The following FSTL5 variants were observed in gnomAD, a reference collection of about 807,000 sequenced individuals.
FSTL5 encodes the protein follistatin-related protein 5.
In FSTL5, 62 loss-of-function variants were observed where a neutral mutation model predicts 89.1. The observed-to-expected ratio is 0.70, with a 90% CI of 0.57 to 0.86. FSTL5 has a LOEUF of 0.86. FSTL5 is among the 40% of genes least tolerant of loss of function. FSTL5 has a pLI of 0.00. For synonymous variants in FSTL5, 383 were observed against 346.2 expected, an observed-to-expected ratio of 1.11 and a Z score of -1.18; for missense variants, 1,057 against 1,001.6, an observed-to-expected ratio of 1.06 and a Z score of -0.75.
chr4:162,087,927 G>A lies in FSTL5; in HGVS notation c.126+23344C>T, dbSNP rs1730386886. 2.0e-5 allele frequency among the ~76,000 whole-genome samples: 3 copies of A among 152,194 alleles called. No individual in the cohort carries two copies. The South Asian group carries it at 6.2e-4, about 32-fold the overall frequency. On this transcript the variant is annotated intron_variant, in intron 2 of 15. Transcript: ENST00000306100. ...AAATTGCTTTGTCACAGTTGTTGTAGTCATTCTTGGATTATGGATTATGAT... is the reference window on the plus strand; with the variant it reads ...AAATTGCTTTGTCACAGTTGTTGTAATCATTCTTGGATTATGGATTATGAT...
intron 1 of FSTL5, among the ~76,000 whole-genome samples, chr4:162,119,563 A>G (rs1731776937): frequency 1.3e-5 from 2 of 152,226 alleles, no homozygotes; most frequent in Admixed American, 1.3e-4. Flanking sequence ...ATACCCATTT[A>G]TGGGGTACAT....
intron 3 of FSTL5, among the ~76,000 whole-genome samples, chr4:161,994,874 C>T (rs1414134445): frequency 6.6e-6 from 1 of 152,136 alleles, no homozygotes; most frequent in African/African-American, 2.4e-5. Context: ...TTTGCAGAAG[C>T]TCTTAAATTT....
At chr4:161,769,265 G>A (rs1311002544) in intron 5 of FSTL5, among the ~76,000 whole-genome samples, 1 of 151,812 alleles carries the variant, frequency 6.6e-6, no homozygotes, top group East Asian at 1.9e-4. Flanking sequence ...AACATTTAAA[G>A]AACTAATACT....
intron 15 of FSTL5, among the ~76,000 whole-genome samples, chr4:161,426,398 A>T (rs1732168504): frequency 6.6e-6 from 1 of 152,216 alleles, no homozygotes; most frequent in Non-Finnish European, 1.5e-5. Flanking sequence ...CAGCTAGGCA[A>T]TGGTACAGGA....
At chr4:161,843,049 C>A (rs1731260446) in intron 4 of FSTL5, among the ~76,000 whole-genome samples, 1 of 152,018 alleles carries the variant, frequency 6.6e-6, no homozygotes, top group Admixed American at 6.6e-5. Flanking sequence ...AAGACCTGTT[C>A]TTTATTGTTT....
At chr4:162,066,299 T>TTTCTTCTTCTTCTTCTTCTTC (rs1222795843) in intron 2 of FSTL5, among the ~76,000 whole-genome samples, 3 of 70,120 alleles carry the variant, frequency 4.3e-5, no homozygotes, top group Admixed American at 1.7e-4. Flanking sequence ...TCCTCCTACT[T>TTTCTTCTTCTTCTTCTTCTTC]TTCTTCTTCT....
chr4:161,441,708 T>G (rs1397461591), intron 15 of FSTL5, among the ~76,000 whole-genome samples: 1 of 152,100 alleles, frequency 6.6e-6, no homozygotes. Context: ...TAGAAGAATT[T>G]TATTACTCCC....
At chr4:161,543,498 A>G (rs1731903198) in intron 8 of FSTL5, among the ~76,000 whole-genome samples, 1 of 151,952 alleles carries the variant, frequency 6.6e-6, no homozygotes, top group Admixed American at 6.6e-5. Flanking sequence ...ATGTGAAATT[A>G]CAGGAGACCC....
chr4:162,035,721 A>G (rs78731956), intron 2 of FSTL5, among the ~76,000 whole-genome samples: 14,222 of 152,096 alleles, frequency 0.094, 786 homozygotes, highest in Non-Finnish European at 0.12. Context: ...GCTGTCTATT[A>G]AGAATAGGTT....
chr4:161,813,607 T>C (rs754725664), intron 4 of FSTL5, among the ~76,000 whole-genome samples: 3 of 152,204 alleles, frequency 2.0e-5, no homozygotes, highest in Non-Finnish European at 4.4e-5. Context: ...CTGTGGGCTG[T>C]GTACTGGTGT....
chr4:161,543,280 G>C lies in FSTL5; in HGVS notation c.1016-587C>G, dbSNP rs1354899103. Among the ~76,000 whole-genome samples, 3 of 151,902 alleles carry C rather than the reference G, an allele frequency of 2.0e-5. No homozygotes were observed. In the East Asian group the frequency reaches 5.8e-4, roughly 30 times the overall value. ...AACTTTGTTGAAAGAATTTAAAGAA[G>C]ACCTAAATAAATCCGAAGACACTTT... On this transcript the variant is annotated intron_variant, in intron 8 of 15. Coordinates refer to ENST00000306100, the MANE Select transcript of FSTL5 (RefSeq NM_020116.5).
intron 6 of FSTL5, among the ~76,000 whole-genome samples, chr4:161,720,345 AT>A (rs201897972): frequency 6.6e-6 from 1 of 151,982 alleles, no homozygotes; most frequent in African/African-American, 2.4e-5. Context: ...CGATAGCATT[AT>A]TTTTTTTAAA....
At chr4:161,903,523 T>C (rs958085586) in intron 4 of FSTL5, among the ~76,000 whole-genome samples, 1 of 151,944 alleles carries the variant, frequency 6.6e-6, no homozygotes, top group African/African-American at 2.4e-5. Flanking sequence ...TATTGGAATT[T>C]TGATAAAAAG....
intron 12 of FSTL5, among the ~76,000 whole-genome samples, chr4:161,482,478 C>G (rs1198451613): frequency 1.3e-5 from 2 of 152,142 alleles, no homozygotes; most frequent in Non-Finnish European, 2.9e-5. Context: ...ATTTAGAACA[C>G]TATTTTTTCT....
chr4:161,489,411 A>C (rs1459249175), intron 12 of FSTL5, among the ~76,000 whole-genome samples: 2 of 152,192 alleles, frequency 1.3e-5, no homozygotes, highest in Admixed American at 6.5e-5. Flanking sequence ...AGAGCTTGAC[A>C]AAAAGGTGTT....
chr4:161,408,217 C>T (rs1731457329), intron 15 of FSTL5, among the ~76,000 whole-genome samples: 1 of 152,162 alleles, frequency 6.6e-6, no homozygotes, highest in South Asian at 2.1e-4. Flanking sequence ...AATGCAAAGA[C>T]ATACAAAGGA....
At chr4:161,460,956 T>C (rs1366632341) in intron 13 of FSTL5, among the ~76,000 whole-genome samples, 3 of 152,158 alleles carry the variant, frequency 2.0e-5, no homozygotes, top group Non-Finnish European at 4.4e-5. Flanking sequence ...TCTGTATGTA[T>C]TGCATACTCT....
chr4:162,008,385 A>G (rs954055472), intron 3 of FSTL5, among the ~76,000 whole-genome samples: 5 of 151,902 alleles, frequency 3.3e-5, no homozygotes, highest in African/African-American at 1.2e-4. Context: ...TATTTCCAAA[A>G]GCACCTTTTA....
intron 7 of FSTL5, among the ~76,000 whole-genome samples, chr4:161,603,314 T>G (rs1276304407): frequency 2.0e-5 from 3 of 152,206 alleles, no homozygotes; most frequent in African/African-American, 7.2e-5. Flanking sequence ...TATATTATAG[T>G]TTAGTAAGTG....
Sources: allele counts gnomAD v4.1 joint callset (sites outside exome capture counted in the v4.1 genomes callset), GRCh38; gene constraint gnomAD v4.1.1; transcripts MANE v1.5; gene names NCBI Gene and HGNC (gene_info 2026-07-23, HGNC 2026-07-21).